BTBD16: variants seen among roughly 807,000 people sequenced by gnomAD.
The protein encoded by BTBD16 is BTB/POZ domain-containing protein 16.
BTBD16 carries 66 observed loss-of-function variants against 67.4 expected under a neutral mutation model. The ratio of observed to expected loss-of-function variants is 0.98; its 90% CI spans 0.80 to 1.20. The LOEUF (loss-of-function observed/expected upper bound fraction) is 1.20, where lower values mean the gene tolerates loss of function less well. BTBD16 is among the 50% of genes most tolerant of loss of function. The pLI is 0.00. For missense variants in BTBD16, 634 were observed against 616.0 expected (o/e 1.03, Z -0.31); for synonymous variants, 242 against 236.4 (o/e 1.02, Z -0.22).
chr10:122,276,398 C>T (rs1325200729), intron 2 of BTBD16, among the ~76,000 whole-genome samples: 1 of 151,608 alleles, frequency 6.6e-6, no homozygotes, highest in Non-Finnish European at 1.5e-5. Context: ...TAAAAAAATT[C>T]CTTGCCCAAG....
rs1178472929 is a variant in BTBD16, at chr10:122,283,843, C to A, written c.168-8C>A. 1.2e-6 allele frequency: 2 copies of A among 1,611,800 alleles called. No individual in the cohort carries two copies. Among genetic ancestry groups the A allele is most frequent in the Non-Finnish European group, 8.5e-7 (1 of 1,178,090 alleles). ...CTCCTGGATTTTATATTTGCATTTTCCCTTGAGGTTATGCATTTCACAAAT... is the reference window on the plus strand; with the variant it reads ...CTCCTGGATTTTATATTTGCATTTTACCTTGAGGTTATGCATTTCACAAAT... On this transcript the variant is annotated splice_polypyrimidine_tract_variant and splice_region_variant and intron_variant, in intron 3 of 15. Coordinates refer to ENST00000260723, the MANE Select transcript of BTBD16 (RefSeq NM_144587.5).
intron 10 of BTBD16, among the ~76,000 whole-genome samples, chr10:122,320,817 T>A (rs1038916364): frequency 3.3e-5 from 5 of 152,236 alleles, no homozygotes; most frequent in African/African-American, 1.2e-4. Flanking sequence ...AAAAATTTTT[T>A]AAAAGTCTTT....
intron 9 of BTBD16, among the ~76,000 whole-genome samples, chr10:122,304,309 T>C (rs1352977499): frequency 2.0e-5 from 3 of 152,316 alleles, no homozygotes; most frequent in Non-Finnish European, 2.9e-5. Context: ...GACATTTTCA[T>C]TGTCCTTTAG....
chr10:122,337,961 G>C, intron 15 of BTBD16, 56 bp from the exon 16 acceptor site: 2 of 1,437,606 alleles, frequency 1.4e-6, no homozygotes, highest in Non-Finnish European at 2.0e-6. Context: ...CCCTTCTGGG[G>C]GGCAATTGTG....
In BTBD16 at chr10:122,291,261, C is replaced by G; in HGVS notation, c.590+67C>G. On this transcript the variant is annotated intron_variant, in intron 7 of 15. Coordinates refer to ENST00000260723, the MANE Select transcript of BTBD16 (RefSeq NM_144587.5). Reference sequence around the variant, plus strand: ...GGAAATCGGAAGGGCAATTCCTGGCCCATTTGCTGGAACATTCCTCTTCAT... The same window carrying G: ...GGAAATCGGAAGGGCAATTCCTGGCGCATTTGCTGGAACATTCCTCTTCAT... The G allele has an allele frequency of 6.5e-6, 10 of 1,543,818 alleles. 1 individual carries two copies. The South Asian group carries it at 1.0e-4, about 15-fold the overall frequency.
Position 122,336,496 on chromosome 10 carries a change from A to T in BTBD16, c.1266A>T (p.Arg422Ser). 2.5e-6 allele frequency: 4 copies of T among 1,603,348 alleles called. No individual in the cohort carries two copies. Among genetic ancestry groups the T allele is most frequent in the Non-Finnish European group, 3.4e-6 (4 of 1,175,604 alleles). ...AAGGTGAATCACTCTCTTTGCAGAG[A>T]ATAAAGCACACAGACCTGGAATCTC... ...DTTSYSFYMQ[R>S]IKHTDLESPS... The change falls in exon 15 of 16, where the codon AGA becomes AGT. Residue 422 changes from arginine to serine, a missense_variant and splice_region_variant. Coordinates refer to ENST00000260723, the MANE Select transcript of BTBD16 (RefSeq NM_144587.5).
At chr10:122,279,511 A>AACACACACACACACAC (rs143637448) in intron 3 of BTBD16, among the ~76,000 whole-genome samples, 5,967 of 143,854 alleles carry the variant, frequency 0.041, 178 homozygotes, top group East Asian at 0.12. Context: ...GAGAAAGAGA[A>AACACACACACACACAC]ACACACACAC....
At chr10:122,319,312 C>G (rs182184268) in intron 10 of BTBD16, among the ~76,000 whole-genome samples, 209 of 152,196 alleles carry the variant, frequency 1.4e-3, no homozygotes, top group African/African-American at 4.8e-3. Context: ...AGCAAGATGA[C>G]TATGATTTTT....
intron 10 of BTBD16, among the ~76,000 whole-genome samples, chr10:122,308,929 C>T (rs952691915): frequency 6.6e-6 from 1 of 152,196 alleles, no homozygotes; most frequent in South Asian, 2.1e-4. Flanking sequence ...TCCCTGCCTG[C>T]TCTGCCTCCT....
At chr10:122,329,607 AG>A (rs2133316219) in intron 11 of BTBD16, 36 bp downstream of exon 11, 1 of 1,589,196 alleles carries the variant, frequency 6.3e-7, no homozygotes, top group East Asian at 2.2e-5. Context: ...TCCACGGGAA[AG>A]CTGCTGGGCA....
chr10:122,286,074 G>A lies in BTBD16; in HGVS notation c.242-31G>A, dbSNP rs779012128. 2.5e-6 allele frequency: 4 copies of A among 1,600,628 alleles called. No homozygotes were observed. In the Admixed American group the frequency reaches 6.8e-5, roughly 27 times the overall value. ...ATCTTTGGGTGGGGACGTTACTGATGTGTTTGCTCAGCATCATTTTCTGTC... is the reference window on the plus strand; with the variant it reads ...ATCTTTGGGTGGGGACGTTACTGATATGTTTGCTCAGCATCATTTTCTGTC... On this transcript the variant is annotated intron_variant, in intron 4 of 15. Transcript: ENST00000260723.
chr10:122,280,099 AGAG>A (rs1371551070), intron 3 of BTBD16, among the ~76,000 whole-genome samples: 1 of 152,122 alleles, frequency 6.6e-6, no homozygotes, highest in Non-Finnish European at 1.5e-5. Flanking sequence ...CGAGTGTGGG[AGAG>A]GAGGCTGAGA....
chr10:122,311,293 C>T (rs905494773), intron 10 of BTBD16, among the ~76,000 whole-genome samples: 7 of 152,178 alleles, frequency 4.6e-5, no homozygotes, highest in Admixed American at 2.0e-4. Flanking sequence ...GAAACAAACA[C>T]GCACGGTCGT....
chr10:122,277,013 C>T, intron 3 of BTBD16, 74 bp downstream of exon 3: 1 of 1,534,694 alleles, frequency 6.5e-7, no homozygotes. Flanking sequence ...ATGACCGGGC[C>T]ACTCTGATTG....
intron 10 of BTBD16, among the ~76,000 whole-genome samples, chr10:122,312,815 CT>C (rs746029765): frequency 2.0e-4 from 30 of 152,198 alleles, no homozygotes; most frequent in Non-Finnish European, 4.3e-4. Flanking sequence ...GGTCCACGTC[CT>C]TGTTGGATAT....
chr10:122,333,329 G>C lies in BTBD16; in HGVS notation c.1164+816G>C, dbSNP rs115457437. 2.4e-3 allele frequency among the ~76,000 whole-genome samples: 363 copies of C among 152,172 alleles called. 2 individuals are homozygous for C. Among genetic ancestry groups the C allele is most frequent in the African/African-American group, 8.4e-3 (349 of 41,518 alleles). On this transcript the variant is annotated intron_variant, in intron 13 of 15. Transcript: ENST00000260723. Reference sequence around the variant, plus strand: ...TGGGCCCATCAAATTGAAACAACATGCTTTGTTTCAAAGGTCTATAGACCA... The same window carrying C: ...TGGGCCCATCAAATTGAAACAACATCCTTTGTTTCAAAGGTCTATAGACCA...
chr10:122,336,779 A>G, intron 15 of BTBD16, 97 bp downstream of exon 15: 1 of 1,120,408 alleles, frequency 8.9e-7, no homozygotes, highest in Non-Finnish European at 1.2e-6. Context: ...AGTGCTCTAC[A>G]CTGAAGATCC....
chr10:122,297,287 C>A (rs2096385141), intron 7 of BTBD16, among the ~76,000 whole-genome samples: 1 of 152,124 alleles, frequency 6.6e-6, no homozygotes, highest in African/African-American at 2.4e-5. Context: ...GGTGGGTGAG[C>A]CAAATCAACA....
chr10:122,334,939 G>T lies in BTBD16; in HGVS notation c.1223G>T (p.Gly408Val), dbSNP rs944605032. Reference sequence around the variant, plus strand: ...TATGGATTCTTCTTTAAGATAAAGGGACTCAAACATGATACTACCTCTTAT... The same window carrying T: ...TATGGATTCTTCTTTAAGATAAAGGTACTCAAACATGATACTACCTCTTAT... ...ALYGFFFKIK[G>V]LKHDTTSYSF... The change falls in exon 14 of 16, where the codon GGA (glycine) becomes GTA (valine). Residue 408 changes from glycine to valine, a missense_variant. By Grantham distance (109) the Gly-to-Val change is moderately radical. Coordinates refer to ENST00000260723, the MANE Select transcript of BTBD16 (RefSeq NM_144587.5). 6.4e-7 allele frequency: 1 copy of T among 1,570,754 alleles called. No individual in the cohort carries two copies. The highest frequency in any genetic ancestry group is 2.3e-5 in the East Asian group (1 of 44,390).
Sources: allele counts gnomAD v4.1 joint callset (sites outside exome capture counted in the v4.1 genomes callset), GRCh38; gene constraint gnomAD v4.1.1; transcripts MANE v1.5; gene names NCBI Gene and HGNC (gene_info 2026-07-23, HGNC 2026-07-21).